RTKN2: variants seen among roughly 807,000 people sequenced by gnomAD.
RTKN2 encodes rhotekin 2.
In RTKN2, 69 loss-of-function variants were observed where a neutral mutation model predicts 71.5. The ratio of observed to expected loss-of-function variants is 0.96; its 90% confidence interval spans 0.79 to 1.18. The LOEUF is 1.18. RTKN2 is among the 50% of genes most tolerant of loss of function. The pLI, the probability that RTKN2 is intolerant of heterozygous loss-of-function variation, is 0.00. For synonymous variants in RTKN2, 236 were observed against 236.5 expected (o/e 1.00, Z 0.02); for missense variants, 724 against 719.7 (o/e 1.01, Z -0.07).
At chr10:62,242,941 T>C (rs1454455834) in intron 3 of RTKN2, among the ~76,000 whole-genome samples, 1 of 152,152 alleles carries the variant, frequency 6.6e-6, no homozygotes, top group African/African-American at 2.4e-5. Context: ...TACAATCTAT[T>C]ATCTTCAAAC....
rs967605300 is a variant in RTKN2, at chr10:62,197,917, T to G, written c.1821A>C (p.Ala607=). ...TATCATTAAGAGTTTTCTATACTTG[T>G]GCCTGCAGCCATGATCTAGGGTCCA... ...DILDPRSWLQ[A]QV is the part of the protein sequence containing the mutation. The change falls in exon 12 of 12, where the codon GCA becomes GCC. Residue 607 remains alanine, a synonymous_variant. Transcript: ENST00000373789. 19 of 1,610,342 alleles carry G rather than the reference T, an allele frequency of 1.2e-5. No individual in the cohort carries two copies. The Admixed American group carries it at 2.9e-4, about 24-fold the overall frequency.
intron 6 of RTKN2, among the ~76,000 whole-genome samples, chr10:62,232,609 T>A (rs1384728686): frequency 2.6e-5 from 4 of 152,052 alleles, no homozygotes; most frequent in African/African-American, 7.2e-5. Flanking sequence ...GCCTTAAATA[T>A]AGTTTCTAAC....
chr10:62,214,353 TA>T (rs1260148641), intron 9 of RTKN2, among the ~76,000 whole-genome samples: 2 of 152,120 alleles, frequency 1.3e-5, no homozygotes, highest in Non-Finnish European at 2.9e-5. Flanking sequence ...AGTATAAGGC[TA>T]AATCTATACA....
At chr10:62,210,686 G>A (rs1433246776) in intron 9 of RTKN2, among the ~76,000 whole-genome samples, 3 of 152,022 alleles carry the variant, frequency 2.0e-5, no homozygotes, top group South Asian at 2.1e-4. Flanking sequence ...TCATGTATAC[G>A]ACAAGGAATG....
chr10:62,196,581 G>C lies in RTKN2; in HGVS notation c.*1327C>G, dbSNP rs982962274. 1.0e-6 allele frequency: 1 copy of C among 985,110 alleles called. No individual in the cohort carries two copies. Among genetic ancestry groups the C allele is most frequent in the African/African-American group, 1.7e-5 (1 of 57,224 alleles). The allele number at this position is 985,110 out of a possible 1,614,324, so 61.0% of individuals were successfully genotyped here. On this transcript the variant is annotated 3_prime_UTR_variant, in exon 12 of 12. Coordinates refer to ENST00000373789, the MANE Select transcript of RTKN2 (RefSeq NM_145307.4). ...GTTCATTTTGTTTTGTAATAATGTAGTTCTGATCCAAATAGAGTTCTTGCT... is the reference window on the plus strand; with the variant it reads ...GTTCATTTTGTTTTGTAATAATGTACTTCTGATCCAAATAGAGTTCTTGCT...
In RTKN2 at chr10:62,194,443, A is replaced by T. The variant is rs1841283100; in HGVS notation, c.*3465T>A. 1 of 977,566 alleles carries T rather than the reference A, an allele frequency of 1.0e-6. No homozygotes were observed. Among genetic ancestry groups the T allele is most frequent in the African/African-American group, 1.8e-5 (1 of 57,034 alleles). The allele number at this position is 977,566 out of a possible 1,614,324, so 60.6% of individuals were successfully genotyped here. On this transcript the variant is annotated 3_prime_UTR_variant, in exon 12 of 12. Transcript: ENST00000373789. The stretch of plus-strand genomic sequence containing the variant: ...ACAGTGAAGATGGCTACTAGAATAT[A>T]AATGGTCATCAGTTAAAGTTTAATT...
At chr10:62,259,197 T>C (rs767202553) in intron 2 of RTKN2, 13 of 453,596 alleles carry the variant, frequency 2.9e-5, no homozygotes, top group South Asian at 2.0e-4. Flanking sequence ...GAGATGACTT[T>C]GCTTCTCCTT....
At chr10:62,264,838 T>C (rs897395323) in intron 1 of RTKN2, among the ~76,000 whole-genome samples, 1 of 11,852 alleles carries the variant, frequency 8.4e-5, no homozygotes, top group Non-Finnish European at 2.4e-4. Flanking sequence ...GCTTGAGCAT[T>C]TTTTTTTTTT....
chr10:62,255,923 C>T (rs1431480087), intron 2 of RTKN2, among the ~76,000 whole-genome samples: 1 of 152,004 alleles, frequency 6.6e-6, no homozygotes, highest in Non-Finnish European at 1.5e-5. Flanking sequence ...ATGGCAAAAA[C>T]ACAGAATATG....
At chr10:62,264,990 G>A (rs1033073864) in intron 1 of RTKN2, among the ~76,000 whole-genome samples, 1 of 152,014 alleles carries the variant, frequency 6.6e-6, no homozygotes, top group African/African-American at 2.4e-5. Context: ...GAATCAGTTT[G>A]TGTTTCTATC....
At chr10:62,250,212 G>T (rs1179180171) in intron 2 of RTKN2, among the ~76,000 whole-genome samples, 1 of 152,216 alleles carries the variant, frequency 6.6e-6, no homozygotes, top group African/African-American at 2.4e-5. Flanking sequence ...CTAAGACCTA[G>T]TGGATACCAG....
intron 10 of RTKN2, among the ~76,000 whole-genome samples, chr10:62,204,234 C>T (rs185673933): frequency 1.1e-4 from 17 of 152,214 alleles, no homozygotes; most frequent in East Asian, 3.9e-4. Flanking sequence ...AGAACTGTTA[C>T]GATTTCAGTA....
At chr10:62,254,863 G>A (rs1435151260) in intron 2 of RTKN2, among the ~76,000 whole-genome samples, 3 of 152,096 alleles carry the variant, frequency 2.0e-5, no homozygotes, top group Non-Finnish European at 4.4e-5. Flanking sequence ...TAGGTACTTG[G>A]GAGGCTGAGG....
intron 2 of RTKN2, among the ~76,000 whole-genome samples, chr10:62,256,884 C>T (rs1842685802): frequency 6.6e-6 from 1 of 151,742 alleles, no homozygotes; most frequent in Non-Finnish European, 1.5e-5. Flanking sequence ...GAATAAATGA[C>T]AATCTGGAAC....
chr10:62,200,039 C>T (rs1182827270), intron 10 of RTKN2, among the ~76,000 whole-genome samples, 178 bp from the exon 11 acceptor site: 2 of 151,976 alleles, frequency 1.3e-5, no homozygotes, highest in Non-Finnish European at 2.9e-5. Flanking sequence ...ATTTCAAAGT[C>T]CAGTTCTGAA....
chr10:62,239,423 C>T (rs746073518), intron 5 of RTKN2: 1 of 333,750 alleles, frequency 3.0e-6, no homozygotes, highest in Non-Finnish European at 5.4e-6. Context: ...ATATTTACTG[C>T]TAATAGTAAT....
chr10:62,184,135 A>C, exon 9 of RTKN2: 2 of 495,162 alleles, frequency 4.0e-6, no homozygotes, highest in South Asian at 6.9e-5. Flanking sequence ...AGCTCTACAA[A>C]ATGTTTACTC....
At chr10:62,191,507 T>C (rs1443123306), downstream of RTKN2, among the ~76,000 whole-genome samples, 1 of 152,234 alleles carries the variant, frequency 6.6e-6, no homozygotes, top group Non-Finnish European at 1.5e-5. Context: ...TGTGTAATAC[T>C]GATTACTCTT....
chr10:62,211,809 C>T (rs898422327), intron 9 of RTKN2, among the ~76,000 whole-genome samples: 2 of 151,884 alleles, frequency 1.3e-5, no homozygotes, highest in African/African-American at 2.4e-5. Context: ...GGACTACAGG[C>T]GTGTGCCCCC....
Sources: allele counts gnomAD v4.1 joint callset (sites outside exome capture counted in the v4.1 genomes callset), GRCh38; gene constraint gnomAD v4.1.1; transcripts MANE v1.5; gene names NCBI Gene and HGNC (gene_info 2026-07-23, HGNC 2026-07-21).